CFHR3: variants seen among roughly 807,000 people sequenced by gnomAD.
CFHR3 encodes the protein complement factor H-related protein 3.
CFHR3 carries 22 observed loss-of-function variants against 36.0 expected under a neutral mutation model. The observed-to-expected ratio is 0.61, with a 90% CI of 0.44 to 0.87. The LOEUF is 0.87. Among genes scored for constraint, CFHR3 ranks in the 40% least tolerant of loss-of-function variants. The pLI is 0.00. For synonymous variants in CFHR3, 97 were observed against 137.4 expected, an observed-to-expected ratio of 0.71 and a Z score of 2.06; for missense variants, 276 against 401.3, an observed-to-expected ratio of 0.69 and a Z score of 2.67.
In CFHR3 at chr1:196,785,151, T is replaced by TA. The variant is rs1654142452; in HGVS notation, c.431-3064dup. Among the ~76,000 whole-genome samples, 5 of 137,388 alleles carry TA rather than the reference T, an allele frequency of 3.6e-5. 1 individual carries two copies. The South Asian group carries it at 1.3e-3, about 35-fold the overall frequency. The allele number at this position is 137,388 out of a possible 152,430, so 90.1% of individuals were successfully genotyped here. A position where few individuals can be genotyped will look rare whatever the true frequency, so the allele number is the denominator to read the frequency against. On this transcript the variant is annotated intron_variant, in intron 3 of 5. Coordinates refer to ENST00000367425, the MANE Select transcript of CFHR3 (RefSeq NM_021023.6). The stretch of plus-strand genomic sequence containing the variant: ...TTGGCCCCCACTCTCTTCTGGCTTG[T>TA]AGAGTTTCTGCTGAGAGATCTGCTA...
At chr1:196,790,464 C>T (rs1654381358) in intron 5 of CFHR3, among the ~76,000 whole-genome samples, 1 of 134,296 alleles carries the variant, frequency 7.4e-6, no homozygotes, top group South Asian at 2.6e-4. Context: ...TGGTGGCTCA[C>T]GCCTGTAGTC....
Position 196,780,045 on chromosome 1 carries a change from G to T in CFHR3, c.430+72G>T, listed in dbSNP as rs1459036562. 4.4e-5 allele frequency: 66 copies of T among 1,504,426 alleles called. 12 individuals carry two copies. In the Admixed American group the frequency reaches 7.1e-4, roughly 16 times the overall value. 93.2% of individuals were successfully genotyped at this position (1,504,426 alleles called of 1,614,324 possible). A position where few individuals can be genotyped will look rare whatever the true frequency, so the allele number is the denominator to read the frequency against. On this transcript the variant is annotated intron_variant, in intron 3 of 5. Coordinates refer to ENST00000367425, the MANE Select transcript of CFHR3 (RefSeq NM_021023.6). ...TAACACGGACGACAGTCTCAGACTT[G>T]TCTATATTAACTGTGGCAAAATGTT...
chr1:196,786,932 G>A (rs1454094808), intron 3 of CFHR3, among the ~76,000 whole-genome samples: 5 of 137,474 alleles, frequency 3.6e-5, no homozygotes, highest in South Asian at 2.5e-4. Context: ...GAGCTGTTCC[G>A]ATTTGGCCAT....
intron 3 of CFHR3, among the ~76,000 whole-genome samples, chr1:196,783,547 A>T: frequency 7.7e-6 from 1 of 130,346 alleles, no homozygotes; most frequent in East Asian, 2.0e-4. Context: ...TGTATGTGTC[A>T]AGGAATTTAT....
In CFHR3 at chr1:196,792,933, T is replaced by C. The variant is rs1192843480; in HGVS notation, c.797-384T>C. On this transcript the variant is annotated intron_variant, in intron 5 of 5. Coordinates refer to ENST00000367425, the MANE Select transcript of CFHR3 (RefSeq NM_021023.6). ...CAAAATGTGAGTACATTTGGAGTGCTTGTAGTCACGGCTTGTCGAATGGGG... is the reference window on the plus strand; with the variant it reads ...CAAAATGTGAGTACATTTGGAGTGCCTGTAGTCACGGCTTGTCGAATGGGG... Among the ~76,000 whole-genome samples, 4 of 136,148 alleles carry C rather than the reference T, an allele frequency of 2.9e-5. 1 individual carries two copies. Among genetic ancestry groups the C allele is most frequent in the Admixed American group, 1.4e-4 (2 of 14,092 alleles). The allele number at this position is 136,148 out of a possible 152,430, so 89.3% of individuals were successfully genotyped here. A position where few individuals can be genotyped will look rare whatever the true frequency, so the allele number is the denominator to read the frequency against.
In CFHR3 at chr1:196,788,122, T is replaced by C. The variant is rs1244249694; in HGVS notation, c.431-94T>C. 16 of 865,880 alleles carry C rather than the reference T, an allele frequency of 1.8e-5. 2 individuals carry two copies. Among genetic ancestry groups the C allele is most frequent in the Non-Finnish European group, 2.6e-5 (16 of 621,890 alleles). The allele number at this position is 865,880 out of a possible 1,614,324, so 53.6% of individuals were successfully genotyped here. On this transcript the variant is annotated intron_variant, in intron 3 of 5. Transcript: ENST00000367425. ...TTTCAATTCATTAACAAATGTTTCA[T>C]TGTTTCGCCATATTGCCATGTTTTT...
intron 3 of CFHR3, 59 bp downstream of exon 3, chr1:196,780,032 C>A: frequency 6.6e-7 from 1 of 1,515,890 alleles, no homozygotes; most frequent in Non-Finnish European, 8.9e-7. Context: ...ACACGGACGA[C>A]AGTCTCAGAC....
At position 196,792,012 on chromosome 1, in the gene CFHR3, G is replaced by A. The variant is rs1159158500; in HGVS notation, c.797-1305G>A. ...TCAAGCACAGAATTCTAGGGAAAAAGGCAACCTTATGGAAAAGATTACATA... is the reference window on the plus strand; with the variant it reads ...TCAAGCACAGAATTCTAGGGAAAAAAGCAACCTTATGGAAAAGATTACATA... On this transcript the variant is annotated intron_variant, in intron 5 of 5. Coordinates refer to ENST00000367425, the MANE Select transcript of CFHR3 (RefSeq NM_021023.6). 2.2e-4 allele frequency among the ~76,000 whole-genome samples: 29 copies of A among 133,438 alleles called. 7 individuals carry two copies. The highest frequency in any genetic ancestry group is 3.1e-4 in the Non-Finnish European group (20 of 63,826). 87.5% of individuals were successfully genotyped at this position (133,438 alleles called of 152,430 possible). A position where few individuals can be genotyped will look rare whatever the true frequency, so the allele number is the denominator to read the frequency against.
intron 1 of CFHR3, among the ~76,000 whole-genome samples, chr1:196,775,982 C>T (rs35703353): frequency 0.12 from 13,669 of 118,316 alleles, 1,940 homozygotes; most frequent in East Asian, 0.42. Context: ...TTATTTGTTG[C>T]GCAAAATCAA....
rs1436832063 is a variant in CFHR3, at chr1:196,786,520, C to G, written c.431-1696C>G. On this transcript the variant is annotated intron_variant, in intron 3 of 5. Transcript: ENST00000367425. Reference sequence around the variant, plus strand: ...AGCCTGGGCAATGGCAGGCCCCCCTCCCCCAGCCTCGCTGCCGCCTTGCAG... The same window carrying G: ...AGCCTGGGCAATGGCAGGCCCCCCTGCCCCAGCCTCGCTGCCGCCTTGCAG... Among the ~76,000 whole-genome samples the G allele has an allele frequency of 9.8e-3, 1,320 of 134,628 alleles. 329 individuals carry two copies. Among genetic ancestry groups the G allele is most frequent in the African/African-American group, 0.04 (1,245 of 30,928 alleles). The allele number at this position is 134,628 out of a possible 152,430, so 88.3% of individuals were successfully genotyped here. A position where few individuals can be genotyped will look rare whatever the true frequency, so the allele number is the denominator to read the frequency against.
chr1:196,789,435 G>GTA (rs1479326967), intron 4 of CFHR3: 2 of 927,536 alleles, frequency 2.2e-6, no homozygotes, highest in Non-Finnish European at 2.6e-6. Flanking sequence ...AGAAAAAGGT[G>GTA]TATACTTCAA....
Position 196,793,606 on chromosome 1 carries a change from T to G in CFHR3, c.*93T>G. 3.4e-6 allele frequency: 4 copies of G among 1,187,808 alleles called. No homozygotes were observed. In the South Asian group the frequency reaches 6.2e-5, roughly 18 times the overall value. The allele number at this position is 1,187,808 out of a possible 1,614,324, so 73.6% of individuals were successfully genotyped here. On this transcript the variant is annotated 3_prime_UTR_variant, in exon 6 of 6. Transcript: ENST00000367425. ...AGCTTGCAAAGATAGCTTCTGATAT[T>G]GTTGTAATTTCTACTTTATTTCAAA...
Position 196,793,631 on chromosome 1 carries a change from A to G in CFHR3, c.*118A>G. ...TGTTGTAATTTCTACTTTATTTCAA[A>G]GAAAATTAATATAATAGTTTCAATT... On this transcript the variant is annotated 3_prime_UTR_variant, in exon 6 of 6. Coordinates refer to ENST00000367425, the MANE Select transcript of CFHR3 (RefSeq NM_021023.6). 1 of 1,000,604 alleles carries G rather than the reference A, an allele frequency of 1.0e-6. No homozygotes were observed. The highest frequency in any genetic ancestry group is 1.4e-6 in the Non-Finnish European group (1 of 695,936). The allele number at this position is 1,000,604 out of a possible 1,614,324, so 62.0% of individuals were successfully genotyped here.
chr1:196,789,090 GA>G (rs1654321551), intron 4 of CFHR3: 6 of 1,090,280 alleles, frequency 5.5e-6, no homozygotes, highest in Non-Finnish European at 6.8e-6. Context: ...GGCAAAAGTT[GA>G]TTTTTTTTCT....
Position 196,794,738 on chromosome 1 carries a change from C to G in CFHR3, c.*1225C>G, listed in dbSNP as rs762898458. ...CTGTTAACAAATTGAAATCTCTATT[C>G]ACTTTAATAGATTTTTACCCCCAGT... On this transcript the variant is annotated 3_prime_UTR_variant, in exon 6 of 6. Transcript: ENST00000367425. The G allele has an allele frequency of 6.4e-4, 186 of 292,192 alleles. 20 individuals carry two copies. Among genetic ancestry groups the G allele is most frequent in the Middle Eastern group, 1.4e-3 (1 of 732 alleles). 18.1% of individuals were successfully genotyped at this position (292,192 alleles called of 1,614,324 possible).
In CFHR3 at chr1:196,793,245, C is replaced by T. The variant is rs1654480082; in HGVS notation, c.797-72C>T. ...TATAATTTTATTTTATCCTAAACTA[C>T]TCATTAGGATGCATTTTATTTGCTC... is the stretch of plus-strand genomic sequence containing the variant. On this transcript the variant is annotated intron_variant, in intron 5 of 5. Transcript: ENST00000367425. 1.1e-5 allele frequency: 14 copies of T among 1,271,356 alleles called. 2 individuals carry two copies. In the South Asian group the frequency reaches 1.8e-4, roughly 16 times the overall value. 78.8% of individuals were successfully genotyped at this position (1,271,356 alleles called of 1,614,324 possible).
In CFHR3 at chr1:196,779,357, G is replaced by A. The variant is rs1488153806; in HGVS notation, c.253+1G>A. 1 of 1,490,942 alleles carries A rather than the reference G, an allele frequency of 6.7e-7. No homozygotes were observed. Among genetic ancestry groups the A allele is most frequent in the East Asian group, 2.2e-5 (1 of 44,538 alleles). The allele number at this position is 1,490,942 out of a possible 1,614,324, so 92.4% of individuals were successfully genotyped here. On this transcript the variant is annotated splice_donor_variant, in intron 2 of 5. Transcript: ENST00000367425. LOFTEE classifies it high-confidence loss of function. ...TGGTCACCAGCAGTACCATGTCTCA[G>A]TAAGTAATCCTCTGAACTGCTACAC...
At chr1:196,784,195 C>G (rs1654089031) in intron 3 of CFHR3, among the ~76,000 whole-genome samples, 1 of 136,312 alleles carries the variant, frequency 7.3e-6, no homozygotes, top group African/African-American at 3.1e-5. Context: ...TGTTCTTTTA[C>G]ATTTGCTGAG....
At chr1:196,775,363 T>A (rs1331306506) in intron 1 of CFHR3, among the ~76,000 whole-genome samples, 1 of 137,032 alleles carries the variant, frequency 7.3e-6, no homozygotes, top group Admixed American at 7.1e-5. Context: ...TATAGATTTA[T>A]ATATCAAAAA....
Sources: gnomAD v4.1 joint callset for allele counts (sites outside exome capture counted in the v4.1 genomes callset) on GRCh38, gnomAD v4.1.1 for gene constraint, MANE v1.5 for transcripts, NCBI Gene and HGNC (gene_info 2026-07-23, HGNC 2026-07-21) for gene names.